Variants in COX19 observed in about 807,000 individuals in gnomAD.
COX19 encodes cytochrome c oxidase assembly factor COX19, also known as cytochrome c oxidase assembly protein COX19.
COX19 carries 8 observed loss-of-function variants against 6.8 expected under a neutral mutation model. The ratio of observed to expected loss-of-function variants is 1.18; its 90% CI spans 0.69 to 2.12. The LOEUF is 2.12. Among genes scored for constraint, COX19 ranks in the 30% most tolerant of loss-of-function variants. COX19 has a pLI of 0.00. For missense variants in COX19, 131 were observed against 104.6 expected (o/e 1.25, Z -1.10); for synonymous variants, 51 against 38.0 (o/e 1.34, Z -1.26).
At position 969,447 on chromosome 7, in the gene COX19, C is replaced by G. The variant is rs767680289; in HGVS notation, c.204G>C (p.Met68Ile). ...CCAGTTTCTCCAATGGTTCTTGTAG[C>G]ATCAATTTTCTAAAAGAAAAAGAGA... The part of the protein sequence containing the change: ...YLECRMERKL[M>I]LQEPLEKLGF... Residue 68 changes from methionine (M) to isoleucine (I), a missense_variant, in exon 3 of 3, where the codon ATG becomes ATC. By Grantham distance (10) the Met-to-Ile change is conservative. Coordinates refer to ENST00000344111, the MANE Select transcript of COX19 (RefSeq NM_001031617.3). 1 of 1,605,126 alleles carries G rather than the reference C, an allele frequency of 6.2e-7. No individual in the cohort carries two copies. Among genetic ancestry groups the G allele is most frequent in the South Asian group, 1.1e-5 (1 of 90,874 alleles).
chr7:965,982 G>C lies in COX19; in HGVS notation c.*3396C>G, dbSNP rs1040500448. 2.0e-5 allele frequency: 3 copies of C among 152,162 alleles called. No individual in the cohort carries two copies. Among genetic ancestry groups the C allele is most frequent in the African/African-American group, 7.2e-5 (3 of 41,432 alleles). 9.4% of individuals were successfully genotyped at this position (152,162 alleles called of 1,614,324 possible). On this transcript the variant is annotated 3_prime_UTR_variant, in exon 3 of 3. Transcript: ENST00000344111. ...TGCACCTGTCACCAGTGTGGTTTCT[G>C]CAACAGCAGTTTCCTGTTCCCAAAA...
At chr7:970,286 C>T (rs1847617496) in intron 2 of COX19, among the ~76,000 whole-genome samples, 1 of 151,944 alleles carries the variant, frequency 6.6e-6, no homozygotes, top group South Asian at 2.1e-4. Context: ...AGGTGCACAT[C>T]ACCACGCCCG....
At chr7:972,984 T>A (rs895084550) in intron 2 of COX19, 197 bp downstream of exon 2, 1 of 370,382 alleles carries the variant, frequency 2.7e-6, no homozygotes, top group Non-Finnish European at 4.9e-6. Context: ...AAGAAGAGGT[T>A]CCCAAGATTG....
intron 2 of COX19, 61 bp downstream of exon 2, chr7:973,119 GA>G (rs925634963): frequency 3.2e-4 from 383 of 1,179,446 alleles, no homozygotes; most frequent in South Asian, 6.6e-4. Flanking sequence ...GGCCTTTCAG[GA>G]AAAAAAAAGT....
In COX19 at chr7:974,595, T is replaced by G. The variant is rs1847678802; in HGVS notation, c.82+833A>C. On this transcript the variant is annotated intron_variant, in intron 1 of 2. Coordinates refer to ENST00000344111, the MANE Select transcript of COX19 (RefSeq NM_001031617.3). ...GTAAAAATTCTTTCATTTTTGCTAT[T>G]TGAAAATGTCACAATAAAATGTTGG... Among the ~76,000 whole-genome samples the G allele has an allele frequency of 2.6e-5, 4 of 152,316 alleles. No individual in the cohort carries two copies. The South Asian group carries it at 8.3e-4, about 32-fold the overall frequency.
chr7:969,811 A>C (rs1167588026), intron 2 of COX19, among the ~76,000 whole-genome samples: 2 of 152,146 alleles, frequency 1.3e-5, no homozygotes, highest in East Asian at 3.9e-4. Context: ...ACTTGCTTTG[A>C]TTGGCAGGAT....
rs1303540559 is a variant in COX19, at chr7:969,133, G to A, written c.*245C>T. On this transcript the variant is annotated 3_prime_UTR_variant, in exon 3 of 3. Transcript: ENST00000344111. ...CTCGAAGACAAGGGTCTTGCCCCAC[G>A]CTCGCCTCCCTCCCAGCTTTGCCGG... 11 of 460,662 alleles carry A rather than the reference G, an allele frequency of 2.4e-5. No individual in the cohort carries two copies. The highest frequency in any genetic ancestry group is 1.2e-4 in the Admixed American group (3 of 25,654). The allele number at this position is 460,662 out of a possible 1,614,324, so 28.5% of individuals were successfully genotyped here. A position where few individuals can be genotyped will look rare whatever the true frequency, so the allele number is the denominator to read the frequency against.
chr7:975,307 G>A lies in COX19; in HGVS notation c.82+121C>T, dbSNP rs3735677. On this transcript the variant is annotated intron_variant, in intron 1 of 2. Coordinates refer to ENST00000344111, the MANE Select transcript of COX19 (RefSeq NM_001031617.3). The stretch of plus-strand genomic sequence containing the variant: ...GCTGGGTGGGGCGGAGGGGCGGGCC[G>A]CCGTGCCTCAGTTTCCCCGCCTGCA... The A allele has an allele frequency of 0.021, 15,270 of 727,726 alleles. 1,130 individuals are homozygous for A. In the East Asian group the frequency reaches 0.25, roughly 12 times the overall value. The allele number at this position is 727,726 out of a possible 1,614,324, so 45.1% of individuals were successfully genotyped here.
At chr7:971,821 A>C (rs1313848042) in intron 2 of COX19, among the ~76,000 whole-genome samples, 3 of 152,242 alleles carry the variant, frequency 2.0e-5, no homozygotes, top group Non-Finnish European at 2.9e-5. Flanking sequence ...CAGTGAGCTG[A>C]GATCATGCCA....
chr7:972,529 G>C (rs1165036594), intron 2 of COX19, among the ~76,000 whole-genome samples: 1 of 152,172 alleles, frequency 6.6e-6, no homozygotes, highest in Non-Finnish European at 1.5e-5. Context: ...GCTAATCATG[G>C]CCTCGAAAAG....
At chr7:975,104 G>A (rs1847686572) in intron 1 of COX19, 6 of 309,034 alleles carry the variant, frequency 1.9e-5, no homozygotes, top group South Asian at 1.7e-4. Context: ...TGCGGGCTTC[G>A]TGGCCGCCGA....
chr7:973,327 G>C (rs765908322), intron 1 of COX19, 35 bp from the exon 2 acceptor site: 2 of 1,535,252 alleles, frequency 1.3e-6, no homozygotes, highest in Admixed American at 2.1e-5. Flanking sequence ...GTTCTTTTCA[G>C]AGTGAAAAGT....
Position 967,311 on chromosome 7 carries a change from T to C in COX19, c.*2067A>G, listed in dbSNP as rs1317862741. On this transcript the variant is annotated 3_prime_UTR_variant, in exon 3 of 3. Transcript: ENST00000344111. ...GCCAGGTGAGGGCGATCACTCCGTTTCTCTATCCAGTTACCTTTGTACGTT... is the reference window on the plus strand; with the variant it reads ...GCCAGGTGAGGGCGATCACTCCGTTCCTCTATCCAGTTACCTTTGTACGTT... 1.3e-5 allele frequency: 2 copies of C among 152,212 alleles called. No homozygotes were observed. Among genetic ancestry groups the C allele is most frequent in the East Asian group, 3.8e-4 (2 of 5,196 alleles). 9.4% of individuals were successfully genotyped at this position (152,212 alleles called of 1,614,324 possible).
intron 1 of COX19, 28 bp from the exon 2 acceptor site, chr7:973,320 C>G: frequency 6.5e-7 from 1 of 1,546,940 alleles, no homozygotes; most frequent in South Asian, 1.2e-5. Flanking sequence ...ACAGCATGTT[C>G]TTTTCAGAGT....
At chr7:975,172 C>T (rs1178655279) in intron 1 of COX19, 4 of 416,866 alleles carry the variant, frequency 9.6e-6, no homozygotes, top group Non-Finnish European at 1.7e-5. Flanking sequence ...CAGGGCGGAG[C>T]CGGAGACCCG....
chr7:969,163 G>C lies in COX19; in HGVS notation c.*215C>G, dbSNP rs75405961. ...CCTCCCTCCCAGCTTTGCCGGGAACGCCGTCCCACTCAGGGGTTCAATGCA... is the reference window on the plus strand; with the variant it reads ...CCTCCCTCCCAGCTTTGCCGGGAACCCCGTCCCACTCAGGGGTTCAATGCA... On this transcript the variant is annotated 3_prime_UTR_variant, in exon 3 of 3. Transcript: ENST00000344111. 1.9e-6 allele frequency: 1 copy of C among 515,254 alleles called. No homozygotes were observed. The highest frequency in any genetic ancestry group is 2.0e-5 in the African/African-American group (1 of 51,180). 31.9% of individuals were successfully genotyped at this position (515,254 alleles called of 1,614,324 possible). A position where few individuals can be genotyped will look rare whatever the true frequency, so the allele number is the denominator to read the frequency against.
In COX19 at chr7:967,567, C is replaced by T. The variant is rs369446565; in HGVS notation, c.*1811G>A. On this transcript the variant is annotated 3_prime_UTR_variant, in exon 3 of 3. Coordinates refer to ENST00000344111, the MANE Select transcript of COX19 (RefSeq NM_001031617.3). ...AGGCCCGACCCGGGCCTGGGCACTC[C>T]CGACGGCGGGTCAGAGTGCGATGGG... 1.3e-5 allele frequency: 2 copies of T among 152,246 alleles called. No homozygotes were observed. The highest frequency in any genetic ancestry group is 2.4e-5 in the African/African-American group (1 of 41,458). 9.4% of individuals were successfully genotyped at this position (152,246 alleles called of 1,614,324 possible).
chr7:973,780 A>G (rs552050858), intron 1 of COX19, among the ~76,000 whole-genome samples: 1 of 152,250 alleles, frequency 6.6e-6, no homozygotes, highest in South Asian at 2.1e-4. Context: ...AGCTCGGCCA[A>G]CTTGGTGAAA....
rs570642638 is a variant in COX19, at chr7:964,968, C to T, written c.*4410G>A. Among the ~76,000 whole-genome samples, 2 of 152,348 alleles carry T rather than the reference C, an allele frequency of 1.3e-5. No individual in the cohort carries two copies. Among genetic ancestry groups the T allele is most frequent in the East Asian group, 1.9e-4 (1 of 5,194 alleles). On this transcript the variant is annotated 3_prime_UTR_variant, in exon 3 of 3. Coordinates refer to ENST00000344111, the MANE Select transcript of COX19 (RefSeq NM_001031617.3). ...ACTACCCGAAATATCTCGTGAGAAG[C>T]TCTGGCAGGAACAGCAGGGTGTCTG... is the stretch of plus-strand genomic sequence containing the variant.
Sources: gnomAD v4.1 joint callset for allele counts (sites outside exome capture counted in the v4.1 genomes callset) on GRCh38, gnomAD v4.1.1 for gene constraint, MANE v1.5 for transcripts, NCBI Gene and HGNC (gene_info 2026-07-23, HGNC 2026-07-21) for gene names.